MARCO: variants seen among roughly 807,000 people sequenced by gnomAD.
The protein encoded by MARCO is macrophage receptor with collagenous structure.
Under a neutral mutation model 70.0 loss-of-function variants are expected in MARCO, and 72 were observed. The observed-to-expected ratio is 1.03, with a 90% CI of 0.85 to 1.25. The LOEUF (loss-of-function observed/expected upper bound fraction) is 1.25, where lower values mean the gene tolerates loss of function less well. MARCO is among the 50% of genes most tolerant of loss of function. The pLI, the probability that MARCO is intolerant of heterozygous loss-of-function variation, is 0.00. For synonymous variants in MARCO, 273 were observed against 243.1 expected (o/e 1.12, Z -1.14); for missense variants, 696 against 659.3 (o/e 1.06, Z -0.61).
intron 1 of MARCO, among the ~76,000 whole-genome samples, chr2:118,958,176 A>G (rs1679874290): frequency 6.6e-6 from 1 of 152,080 alleles, no homozygotes; most frequent in African/African-American, 2.4e-5. Flanking sequence ...TTAAAAAAAA[A>G]GGGCATCCAA....
chr2:118,976,648 C>T (rs1680289639), intron 6 of MARCO, among the ~76,000 whole-genome samples: 1 of 152,180 alleles, frequency 6.6e-6, no homozygotes, highest in Non-Finnish European at 1.5e-5. Flanking sequence ...TCTTAGAACA[C>T]TAATTATGCA....
chr2:118,991,834 C>A lies in MARCO; in HGVS notation c.1166C>A (p.Ala389Asp), dbSNP rs267598849. The A allele has an allele frequency of 6.9e-6, 11 of 1,600,780 alleles. No homozygotes were observed. Among genetic ancestry groups the A allele is most frequent in the East Asian group, 4.5e-5 (2 of 44,502 alleles). ...CCAGGGCTGGCAGGTCCCAAGGGAGCCCCTGGACAAGCTGGCCAGAAGGGA... is the reference window on the plus strand; with the variant it reads ...CCAGGGCTGGCAGGTCCCAAGGGAGACCCTGGACAAGCTGGCCAGAAGGGA... ...GSPGLAGPKG[A>D]PGQAGQKGDQ... The change falls in exon 14 of 17, where the codon GCC (alanine) becomes GAC (aspartate). Residue 389 changes from alanine to aspartate, a missense_variant. Coordinates refer to ENST00000327097, the MANE Select transcript of MARCO (RefSeq NM_006770.4).
rs780271027 is a variant in MARCO at position 118,970,296 on chromosome 2, G to A, written c.382G>A (p.Glu128Lys). 68 of 1,613,842 alleles carry A rather than the reference G, an allele frequency of 4.2e-5. No individual in the cohort carries two copies. In the Admixed American group the frequency reaches 1.0e-3, roughly 25 times the overall value. ...ACTCACCTGGGTCCGCGTCAGCCATGAGCACTTGCTGCAGCGGGTAGACAA... is the reference window on the plus strand; with the variant it reads ...ACTCACCTGGGTCCGCGTCAGCCATAAGCACTTGCTGCAGCGGGTAGACAA... ...AQLTWVRVSH[E>K]HLLQRVDNFT... The change falls in exon 3 of 17, where the codon GAG becomes AAG. Residue 128 changes from glutamate to lysine, a missense_variant. Physicochemically the swap from Glu to Lys is moderately conservative, Grantham distance 56. Coordinates refer to ENST00000327097, the MANE Select transcript of MARCO (RefSeq NM_006770.4).
At chr2:118,943,786 G>A (rs1031729912) in intron 1 of MARCO, among the ~76,000 whole-genome samples, 10 of 152,150 alleles carry the variant, frequency 6.6e-5, no homozygotes, top group Admixed American at 1.3e-4. Flanking sequence ...AAATTGGGAC[G>A]GAAAGACCAG....
chr2:118,954,632 A>G (rs546100964), intron 1 of MARCO, among the ~76,000 whole-genome samples: 1 of 152,116 alleles, frequency 6.6e-6, no homozygotes, highest in South Asian at 2.1e-4. Context: ...AGAGCATTAA[A>G]CCACCAAAGC....
rs535606541 is a variant in MARCO, at chr2:118,953,638, T to A, written c.97+11241T>A. Among the ~76,000 whole-genome samples the A allele has an allele frequency of 3.3e-5, 5 of 152,206 alleles. No individual in the cohort carries two copies. The South Asian group carries it at 1.0e-3, about 32-fold the overall frequency. ...TTGCATTGTGAATTTTAGCTCCATA[T>A]CAACTGCAAGAACAAACCAGCAATC... On this transcript the variant is annotated intron_variant, in intron 1 of 16. Transcript: ENST00000327097.
chr2:118,990,558 C>CT, intron 12 of MARCO, 31 bp from the exon 13 acceptor site: 1 of 1,562,504 alleles, frequency 6.4e-7, no homozygotes, highest in East Asian at 2.3e-5. Flanking sequence ...TTATTATCTC[C>CT]TCCCCCCCCC....
In MARCO at chr2:118,974,365, C is replaced by T; in HGVS notation, c.493C>T (p.Pro165Ser). 6.2e-7 allele frequency: 1 copy of T among 1,606,936 alleles called. No individual in the cohort carries two copies. The highest frequency in any genetic ancestry group is 8.5e-7 in the Non-Finnish European group (1 of 1,176,968). Residue 165 changes from proline (P) to serine (S), a missense_variant, in exon 5 of 17, where the codon CCT (proline) becomes TCT (serine). By Grantham distance (74) the Pro-to-Ser change is moderately conservative. Transcript: ENST00000327097. ...LQGHKGAMGM[P>S]GAPGPPGPPA... is the part of the protein sequence containing the mutation. Reference sequence around the variant, plus strand: ...AGGTCACAAGGGGGCCATGGGCATGCCTGGTGCCCCTGGCCCGCCGGGACC... The same window carrying T: ...AGGTCACAAGGGGGCCATGGGCATGTCTGGTGCCCCTGGCCCGCCGGGACC...
At chr2:118,994,137 T>A (rs1000542587) in intron 16 of MARCO, among the ~76,000 whole-genome samples, 17 of 152,108 alleles carry the variant, frequency 1.1e-4, no homozygotes, top group African/African-American at 4.1e-4. Flanking sequence ...CATTAAAGAT[T>A]TGCATGAGAC....
chr2:118,988,931 T>G (rs1326433385), intron 12 of MARCO, among the ~76,000 whole-genome samples: 5 of 152,182 alleles, frequency 3.3e-5, no homozygotes, highest in African/African-American at 1.2e-4. Flanking sequence ...CAGCGCTTGA[T>G]ACACACGATT....
At position 118,986,672 on chromosome 2, in the gene MARCO, G is replaced by GGAAGGAAGGAAAGAAAGAAAGAAA. The variant is rs1680505947; in HGVS notation, c.1064-3914_1064-3913insGGAAGGAAAGAAAGAAAGAAAGAA. ...AAGAAAGAAGGAAGGAAGGAAGGAA[G>GGAAGGAAGGAAAGAAAGAAAGAAA]GAAAGAAAGAAAGAAAGAAAGAAAG... On this transcript the variant is annotated intron_variant, in intron 12 of 16. Coordinates refer to ENST00000327097, the MANE Select transcript of MARCO (RefSeq NM_006770.4). Among the ~76,000 whole-genome samples, 37 of 48,694 alleles carry GGAAGGAAGGAAAGAAAGAAAGAAA rather than the reference G, an allele frequency of 7.6e-4. 1 individual carries two copies. Among genetic ancestry groups the GGAAGGAAGGAAAGAAAGAAAGAAA allele is most frequent in the East Asian group, 3.6e-3 (4 of 1,110 alleles). 31.9% of individuals were successfully genotyped at this position (48,694 alleles called of 152,430 possible).
rs115885002 is a variant in MARCO, at chr2:118,992,877, G to A, written c.1253-247G>A. The A allele has an allele frequency of 2.5e-3, 1,217 of 483,470 alleles. 12 individuals are homozygous for A. Among genetic ancestry groups the A allele is most frequent in the African/African-American group, 0.018 (936 of 50,766 alleles). 29.9% of individuals were successfully genotyped at this position (483,470 alleles called of 1,614,324 possible). ...ACACATGACAAGACGTGGTGTATGC[G>A]ATTTGCAAACCAGCCACAGGGGCAC... On this transcript the variant is annotated intron_variant, in intron 15 of 16. Coordinates refer to ENST00000327097, the MANE Select transcript of MARCO (RefSeq NM_006770.4).
At chr2:118,967,560 A>G (rs137961256) in intron 1 of MARCO, among the ~76,000 whole-genome samples, 120 of 152,022 alleles carry the variant, frequency 7.9e-4, no homozygotes, top group African/African-American at 2.8e-3. Context: ...TGCAGAGGAG[A>G]CGGGGCACTC....
rs919883985 is a variant in MARCO at position 118,991,881 on chromosome 2, G to T, written c.1207+6G>T. On this transcript the variant is annotated splice_donor_region_variant and intron_variant, in intron 14 of 16. Transcript: ENST00000327097. ...GGGAGACCAGGGAGTGAAAGGTAAG[G>T]CCTCTGCATCTGATTCCTTTGTTCT... The T allele has an allele frequency of 4.4e-6, 7 of 1,582,478 alleles. No homozygotes were observed. The highest frequency in any genetic ancestry group is 6.0e-6 in the Non-Finnish European group (7 of 1,163,102).
At chr2:118,964,070 G>T (rs1679998223) in intron 1 of MARCO, among the ~76,000 whole-genome samples, 1 of 152,084 alleles carries the variant, frequency 6.6e-6, no homozygotes, top group South Asian at 2.1e-4. Flanking sequence ...ACTTATCGCA[G>T]CCTGGCTATT....
In MARCO at chr2:118,981,727, A is replaced by T. The variant is rs1680396413; in HGVS notation, c.901+71A>T. On this transcript the variant is annotated intron_variant, in intron 10 of 16. Coordinates refer to ENST00000327097, the MANE Select transcript of MARCO (RefSeq NM_006770.4). ...CTGGCAGAGTGAAGCTGGGGACCAG[A>T]CACCACCATCTTTTGCTTCATTGTA... 2.8e-6 allele frequency: 4 copies of T among 1,418,926 alleles called. No homozygotes were observed. In the Admixed American group the frequency reaches 7.5e-5, roughly 27 times the overall value. The allele number at this position is 1,418,926 out of a possible 1,614,324, so 87.9% of individuals were successfully genotyped here. A position where few individuals can be genotyped will look rare whatever the true frequency, so the allele number is the denominator to read the frequency against.
At chr2:118,978,450 G>T (rs1680328503) in intron 8 of MARCO, among the ~76,000 whole-genome samples, 1 of 152,192 alleles carries the variant, frequency 6.6e-6, no homozygotes, top group Admixed American at 6.5e-5. Context: ...GACCATGAAG[G>T]TCTGTGCACC....
intron 4 of MARCO, among the ~76,000 whole-genome samples, chr2:118,972,717 G>T (rs1381542231): frequency 6.6e-6 from 1 of 152,190 alleles, no homozygotes; most frequent in Non-Finnish European, 1.5e-5. Flanking sequence ...TTATTCTTGA[G>T]AAAACTAAAT....
chr2:118,992,026 G>A, intron 14 of MARCO, 151 bp downstream of exon 14: 1 of 673,538 alleles, frequency 1.5e-6, no homozygotes, highest in South Asian at 1.9e-5. Flanking sequence ...GACAAGTCTT[G>A]TGCTGGGGCT....
Sources: allele counts gnomAD v4.1 joint callset (sites outside exome capture counted in the v4.1 genomes callset), GRCh38; gene constraint gnomAD v4.1.1; transcripts MANE v1.5; gene names NCBI Gene and HGNC (gene_info 2026-07-23, HGNC 2026-07-21).